Variants in CDKL1 observed in about 807,000 individuals in gnomAD.
CDKL1 encodes the protein cyclin dependent kinase like 1, also known as cyclin-dependent kinase-like 1.
A neutral mutation model predicts 42.0 loss-of-function variants in CDKL1; 41 were observed. The ratio of observed to expected loss-of-function variants is 0.98; its 90% CI spans 0.76 to 1.27. CDKL1 has a LOEUF of 1.27. Ranked by LOEUF, CDKL1 falls within the 50% of genes most tolerant of loss-of-function variation. CDKL1 has a pLI of 0.00. For missense variants in CDKL1, 394 were observed against 428.4 expected, an observed-to-expected ratio of 0.92 and a Z score of 0.71; for synonymous variants, 153 against 158.6, an observed-to-expected ratio of 0.96 and a Z score of 0.26.
intron 2 of CDKL1, among the ~76,000 whole-genome samples, chr14:50,390,737 T>C (rs1300167457): frequency 6.6e-6 from 1 of 152,262 alleles, no homozygotes; most frequent in African/African-American, 2.4e-5. Flanking sequence ...CCCTAGGGGC[T>C]GCATGGAGTT....
Position 50,329,953 on chromosome 14 carries a change from T to TAAA in CDKL1, c.*120_*121insTTT, listed in dbSNP as rs2032845734. The TAAA allele has an allele frequency of 6.5e-6, 8 of 1,232,626 alleles. No homozygotes were observed. The highest frequency in any genetic ancestry group is 8.7e-6 in the Non-Finnish European group (8 of 923,706). 76.4% of individuals were successfully genotyped at this position (1,232,626 alleles called of 1,614,324 possible). A position where few individuals can be genotyped will look rare whatever the true frequency, so the allele number is the denominator to read the frequency against. On this transcript the variant is annotated 3_prime_UTR_variant, in exon 10 of 10. Coordinates refer to ENST00000395834, the MANE Select transcript of CDKL1 (RefSeq NM_004196.7). ...TCTTGCCAGTTGGCCTCCCAGTTTC[T>TAAA]TGCTTATGTTTTCTCCTGGTGTGTT...
At chr14:50,392,048 C>A (rs1649246983) in intron 2 of CDKL1, among the ~76,000 whole-genome samples, 1 of 152,188 alleles carries the variant, frequency 6.6e-6, no homozygotes, top group African/African-American at 2.4e-5. Context: ...TTGTCAAGGT[C>A]GCCAAAGACC....
chr14:50,362,856 A>C (rs1160100757), intron 2 of CDKL1: 3 of 377,114 alleles, frequency 8.0e-6, no homozygotes, highest in Non-Finnish European at 1.7e-5. Flanking sequence ...AAGAGAATAA[A>C]AGCAGGCTGC....
chr14:50,389,097 CAAAAAAAAAAAAAA>C (rs57448948), intron 2 of CDKL1, among the ~76,000 whole-genome samples: 3 of 90,486 alleles, frequency 3.3e-5, no homozygotes, highest in African/African-American at 8.9e-5. Context: ...AGACTGTCTT[CAAAAAAAAAAAAAA>C]AAAAAAAAAA....
intron 2 of CDKL1, among the ~76,000 whole-genome samples, chr14:50,369,165 C>T (rs1464451167): frequency 2.0e-5 from 3 of 152,148 alleles, no homozygotes; most frequent in African/African-American, 4.8e-5. Flanking sequence ...CCACGCCCGG[C>T]CGCTACCCTT....
intron 9 of CDKL1, 61 bp downstream of exon 9, chr14:50,332,201 C>G (rs767410543): frequency 3.1e-6 from 5 of 1,614,160 alleles, no homozygotes; most frequent in Admixed American, 1.7e-5. Context: ...CTGCCATCCT[C>G]AAGTCTAGAT....
In CDKL1 at chr14:50,331,882, G is replaced by C. The variant is rs568015392; in HGVS notation, c.966+380C>G. On this transcript the variant is annotated intron_variant, in intron 9 of 9. Coordinates refer to ENST00000395834, the MANE Select transcript of CDKL1 (RefSeq NM_004196.7). The stretch of plus-strand genomic sequence containing the variant: ...ACAGCTCCTTTTTTGGACAAACCTG[G>C]AGTGTTAGTTTTAATACTAAAAGTG... 3.9e-6 allele frequency: 3 copies of C among 772,742 alleles called. No homozygotes were observed. In the African/African-American group the frequency reaches 5.3e-5, roughly 14 times the overall value. 47.9% of individuals were successfully genotyped at this position (772,742 alleles called of 1,614,324 possible). A position where few individuals can be genotyped will look rare whatever the true frequency, so the allele number is the denominator to read the frequency against.
chr14:50,390,401 T>C (rs2035221774), intron 2 of CDKL1: 4 of 1,347,436 alleles, frequency 3.0e-6, no homozygotes, highest in Admixed American at 4.1e-5. Context: ...TTTCCTCTTC[T>C]TACCATTTTC....
intron 2 of CDKL1, among the ~76,000 whole-genome samples, chr14:50,393,037 G>A (rs1409643185): frequency 6.6e-6 from 1 of 152,104 alleles, no homozygotes; most frequent in Non-Finnish European, 1.5e-5. Context: ...GGGCATCTTG[G>A]CTAAGACACT....
At position 50,396,013 on chromosome 14, in the gene CDKL1, C is replaced by A. The variant is rs1226630044; in HGVS notation, c.-145G>T. The A allele has an allele frequency of 1.7e-5, 17 of 994,676 alleles. No homozygotes were observed. Among genetic ancestry groups the A allele is most frequent in the Non-Finnish European group, 2.2e-5 (15 of 696,984 alleles). 61.6% of individuals were successfully genotyped at this position (994,676 alleles called of 1,614,324 possible). ...CAGTCTGGCCAACATACTGAAACTCCGTCTCTACTAAAGATACAAAAAATT... is the reference window on the plus strand; with the variant it reads ...CAGTCTGGCCAACATACTGAAACTCAGTCTCTACTAAAGATACAAAAAATT... On this transcript the variant is annotated 5_prime_UTR_variant, in exon 2 of 10. Coordinates refer to ENST00000395834, the MANE Select transcript of CDKL1 (RefSeq NM_004196.7).
intron 2 of CDKL1, among the ~76,000 whole-genome samples, chr14:50,392,532 G>A (rs1486851559): frequency 6.6e-6 from 1 of 151,370 alleles, no homozygotes; most frequent in African/African-American, 2.4e-5. Context: ...CATGCAGATC[G>A]CCTCTTCTTG....
chr14:50,381,718 C>T (rs548725549), intron 2 of CDKL1, among the ~76,000 whole-genome samples: 6 of 152,140 alleles, frequency 3.9e-5, no homozygotes, highest in Admixed American at 6.5e-5. Flanking sequence ...TATGTGTGGC[C>T]GAAAACATCT....
rs1205775601 is a variant in CDKL1, at chr14:50,347,702, A to G, written c.291-2644T>C. 2.0e-5 allele frequency among the ~76,000 whole-genome samples: 3 copies of G among 152,140 alleles called. No homozygotes were observed. The East Asian group carries it at 5.8e-4, about 29-fold the overall frequency. ...AGTCAGCAATTCTACATTCAGAAGG[A>G]AGGTCAGGCTGGAAATATGAGTTTG... On this transcript the variant is annotated intron_variant, in intron 3 of 9. Transcript: ENST00000395834.
intron 3 of CDKL1, among the ~76,000 whole-genome samples, chr14:50,346,466 A>C (rs1038803540): frequency 1.6e-4 from 23 of 145,808 alleles, no homozygotes; most frequent in African/African-American, 5.0e-4. Flanking sequence ...TCCACTTTTA[A>C]TTTTTTTTTT....
At chr14:50,373,768 G>A (rs903543798) in intron 2 of CDKL1, among the ~76,000 whole-genome samples, 5 of 152,172 alleles carry the variant, frequency 3.3e-5, no homozygotes, top group African/African-American at 1.2e-4. Flanking sequence ...CCAAAAAGCT[G>A]ATAATACCAA....
intron 2 of CDKL1, among the ~76,000 whole-genome samples, chr14:50,368,227 TG>T (rs1317833792): frequency 6.6e-6 from 1 of 152,196 alleles, no homozygotes; most frequent in Admixed American, 6.5e-5. Context: ...CCCAAAATGC[TG>T]GGATTACAGG....
At position 50,342,102 on chromosome 14, in the gene CDKL1, T is replaced by C. The variant is rs2033564039; in HGVS notation, c.454+30A>G. On this transcript the variant is annotated intron_variant, in intron 5 of 9. Transcript: ENST00000395834. ...GTATCAAGAACTTTTTCATTTTTTATACTTAACAAAAGAAAATGTCAATAC... is the reference window on the plus strand; with the variant it reads ...GTATCAAGAACTTTTTCATTTTTTACACTTAACAAAAGAAAATGTCAATAC... 20 of 1,576,476 alleles carry C rather than the reference T, an allele frequency of 1.3e-5. 2 individuals are homozygous for C. In the Middle Eastern group the frequency reaches 1.0e-3, roughly 79 times the overall value.
intron 2 of CDKL1, among the ~76,000 whole-genome samples, chr14:50,375,854 C>T (rs910600410): frequency 6.6e-6 from 1 of 151,944 alleles, no homozygotes; most frequent in Non-Finnish European, 1.5e-5. Context: ...TGGGATGGGA[C>T]GTGGTCTTCT....
chr14:50,332,261 C>A lies in CDKL1; in HGVS notation c.966+1G>T, dbSNP rs1378475627. On this transcript the variant is annotated splice_donor_variant, in intron 9 of 9. Coordinates refer to ENST00000395834, the MANE Select transcript of CDKL1 (RefSeq NM_004196.7). LOFTEE classifies it high-confidence loss of function. ...GGTAGGAGATCATTTCAAATTATAACCTTGGATGTTTCTGTAAAGCAGTGG... is the reference window on the plus strand; with the variant it reads ...GGTAGGAGATCATTTCAAATTATAAACTTGGATGTTTCTGTAAAGCAGTGG... 9.9e-6 allele frequency: 16 copies of A among 1,613,948 alleles called. No homozygotes were observed. The highest frequency in any genetic ancestry group is 4.5e-5 in the East Asian group (2 of 44,892).
Sources: gnomAD v4.1 joint callset for allele counts (sites outside exome capture counted in the v4.1 genomes callset) on GRCh38, gnomAD v4.1.1 for gene constraint, MANE v1.5 for transcripts, NCBI Gene and HGNC (gene_info 2026-07-23, HGNC 2026-07-21) for gene names.